Variants in ATP8A1 observed in about 807,000 individuals in gnomAD.
ATP8A1 encodes phospholipid-transporting ATPase IA.
Under a neutral mutation model 177.7 loss-of-function variants are expected in ATP8A1, and 90 were observed. The ratio of observed to expected loss-of-function variants is 0.51; its 90% CI spans 0.43 to 0.60. The LOEUF is 0.60. Ranked by LOEUF, ATP8A1 falls within the 20% of genes least tolerant of loss-of-function variation. ATP8A1 has a pLI of 0.00. For missense variants in ATP8A1, 1,072 were observed against 1,392.8 expected (o/e 0.77, Z 3.67); for synonymous variants, 493 against 485.9 (o/e 1.01, Z -0.19).
intron 35 of ATP8A1, among the ~76,000 whole-genome samples, chr4:42,421,934 C>T (rs1383653983): frequency 6.8e-6 from 1 of 146,750 alleles, no homozygotes; most frequent in African/African-American, 2.5e-5. Context: ...TCTAACTTTC[C>T]TTTTTTTTTT....
intron 20 of ATP8A1, 142 bp from the exon 21 acceptor site, chr4:42,524,989 T>C (rs1238265864): frequency 3.9e-6 from 2 of 515,362 alleles, no homozygotes; most frequent in Non-Finnish European, 6.9e-6. Flanking sequence ...AAGATATTTT[T>C]GTCTAATAAT....
intron 1 of ATP8A1, among the ~76,000 whole-genome samples, chr4:42,650,601 T>C (rs1056986332): frequency 1.3e-5 from 2 of 152,248 alleles, no homozygotes; most frequent in Non-Finnish European, 2.9e-5. Context: ...CTATTCTACA[T>C]AGTTACAAAC....
intron 33 of ATP8A1, among the ~76,000 whole-genome samples, chr4:42,430,680 C>A (rs1346243313): frequency 6.6e-6 from 1 of 152,072 alleles, no homozygotes; most frequent in Admixed American, 6.5e-5. Flanking sequence ...CTCTACGTGT[C>A]CATGTGTTGT....
At chr4:42,624,750 G>A (rs1737862219) in intron 3 of ATP8A1, 116 bp from the exon 4 acceptor site, 1 of 484,270 alleles carries the variant, frequency 2.1e-6, no homozygotes, top group East Asian at 3.3e-5. Context: ...TACTATCTTG[G>A]CCGACTAATG....
chr4:42,488,993 C>A (rs192678626), intron 24 of ATP8A1, among the ~76,000 whole-genome samples: 1 of 152,266 alleles, frequency 6.6e-6, no homozygotes, highest in Non-Finnish European at 1.5e-5. Context: ...TGCTCCATTT[C>A]CCCCTTTATT....
At chr4:42,524,321 A>C (rs1726455038) in intron 21 of ATP8A1, among the ~76,000 whole-genome samples, 1 of 152,200 alleles carries the variant, frequency 6.6e-6, no homozygotes, top group African/African-American at 2.4e-5. Context: ...TTTAATAGTT[A>C]CGTAAGTTTT....
intron 4 of ATP8A1, among the ~76,000 whole-genome samples, chr4:42,619,283 G>A (rs1737219203): frequency 6.6e-6 from 1 of 152,142 alleles, no homozygotes; most frequent in Admixed American, 6.6e-5. Flanking sequence ...TTGAATAACT[G>A]TTTTATAACG....
At chr4:42,484,157 G>A (rs1721969405) in intron 25 of ATP8A1, among the ~76,000 whole-genome samples, 11 of 152,136 alleles carry the variant, frequency 7.2e-5, no homozygotes, top group Admixed American at 7.2e-4. Flanking sequence ...CATTTGCAAG[G>A]AATCCAGCAA....
At chr4:42,489,022 AAGAG>A (rs527435347) in intron 24 of ATP8A1, among the ~76,000 whole-genome samples, 35 of 151,622 alleles carry the variant, frequency 2.3e-4, no homozygotes, top group Middle Eastern at 6.8e-3. Flanking sequence ...TGATTAGAGA[AAGAG>A]AGAGAGTAAG....
intron 1 of ATP8A1, among the ~76,000 whole-genome samples, chr4:42,631,798 C>T (rs894187758): frequency 6.6e-6 from 1 of 152,164 alleles, no homozygotes; most frequent in Admixed American, 6.5e-5. Context: ...ACCAATCTAG[C>T]CCCCTTGCAG....
chr4:42,533,072 C>T (rs111411434), intron 20 of ATP8A1, among the ~76,000 whole-genome samples: 4,054 of 152,332 alleles, frequency 0.027, 80 homozygotes, highest in South Asian at 0.094. Flanking sequence ...GGTGAACTCT[C>T]TTCACACGGA....
At chr4:42,622,217 A>G (rs1415010245) in intron 4 of ATP8A1, among the ~76,000 whole-genome samples, 2 of 81,298 alleles carry the variant, frequency 2.5e-5, no homozygotes, top group Non-Finnish European at 6.3e-5. Context: ...CTCTACTAGG[A>G]AAAAAAAAAA....
At chr4:42,485,790 CT>C (rs1722135883) in intron 24 of ATP8A1, 122 bp from the exon 25 acceptor site, 1 of 753,276 alleles carries the variant, frequency 1.3e-6, no homozygotes, top group Non-Finnish European at 2.1e-6. Flanking sequence ...TTTCAAATTG[CT>C]TTCACATACT....
intron 33 of ATP8A1, among the ~76,000 whole-genome samples, chr4:42,436,130 C>T (rs899870571): frequency 1.3e-5 from 2 of 152,138 alleles, no homozygotes; most frequent in Admixed American, 1.3e-4. Context: ...CTGTGCCGTA[C>T]CAGGAGCAGG....
intron 27 of ATP8A1, among the ~76,000 whole-genome samples, chr4:42,461,545 T>C (rs1719159035): frequency 6.6e-6 from 1 of 152,202 alleles, no homozygotes; most frequent in African/African-American, 2.4e-5. Context: ...CCTTCCATCA[T>C]GATTGTGAGG....
chr4:42,495,739 C>T (rs543201196), intron 24 of ATP8A1, among the ~76,000 whole-genome samples: 2 of 151,704 alleles, frequency 1.3e-5, no homozygotes, highest in South Asian at 4.2e-4. Flanking sequence ...GTAATTTTTC[C>T]AAAACGGGTA....
At chr4:42,445,863 T>C (rs1717158403) in intron 31 of ATP8A1, among the ~76,000 whole-genome samples, 1 of 152,100 alleles carries the variant, frequency 6.6e-6, no homozygotes, top group Non-Finnish European at 1.5e-5. Context: ...GTGGATCACC[T>C]GAGGTCAGGG....
intron 33 of ATP8A1, among the ~76,000 whole-genome samples, chr4:42,430,321 TC>T: frequency 6.6e-6 from 1 of 152,170 alleles, no homozygotes; most frequent in South Asian, 2.1e-4. Flanking sequence ...TACATACTAT[TC>T]TTAACAGAGC....
At chr4:42,643,962 T>C (rs868396674) in intron 1 of ATP8A1, among the ~76,000 whole-genome samples, 21 of 152,164 alleles carry the variant, frequency 1.4e-4, no homozygotes, top group African/African-American at 4.1e-4. Flanking sequence ...CAAGCGTAGT[T>C]ATGTCACAAA....
Sources: gnomAD v4.1 joint callset for allele counts (sites outside exome capture counted in the v4.1 genomes callset) on GRCh38, gnomAD v4.1.1 for gene constraint, MANE v1.5 for transcripts, NCBI Gene and HGNC (gene_info 2026-07-23, HGNC 2026-07-21) for gene names.